Variants in MKLN1 observed in about 807,000 individuals in gnomAD.
MKLN1 encodes the protein muskelin.
MKLN1 carries 18 observed loss-of-function variants against 99.0 expected under a neutral mutation model. The ratio of observed to expected loss-of-function variants is 0.18; its 90% confidence interval spans 0.13 to 0.27. MKLN1 has a LOEUF of 0.27. Ranked by LOEUF, MKLN1 falls within the 10% of genes least tolerant of loss-of-function variation. The probability of loss-of-function intolerance (pLI) is 1.00; values close to 1 mark genes in which losing one functional copy is unlikely to be tolerated. For missense variants in MKLN1, 621 were observed against 875.9 expected (o/e 0.71, Z 3.67); for synonymous variants, 288 against 293.2 (o/e 0.98, Z 0.18).
intron 3 of MKLN1, among the ~76,000 whole-genome samples, chr7:131,281,709 T>C (rs1798055213): frequency 1.3e-5 from 2 of 152,026 alleles, no homozygotes; most frequent in South Asian, 4.1e-4. Flanking sequence ...TTGTTTACAG[T>C]CTTGCTCTGT....
intron 16 of MKLN1, among the ~76,000 whole-genome samples, chr7:131,477,155 T>G (rs1796989679): frequency 6.6e-6 from 1 of 152,172 alleles, no homozygotes; most frequent in Non-Finnish European, 1.5e-5. Flanking sequence ...AGGTAAAGAT[T>G]TCTTGGACAT....
Position 131,428,997 on chromosome 7 carries a change from C to CT in MKLN1, c.848-26dup, listed in dbSNP as rs149735434. ...TTTGGGTGCTTATGCTTATTTTGTC[C>CT]TTTTTTTTTTACACATATTTTTCTG... On this transcript the variant is annotated intron_variant, in intron 8 of 17. Transcript: ENST00000352689. 10,770 of 1,269,682 alleles carry CT rather than the reference C, an allele frequency of 8.5e-3. 3 individuals carry two copies. The highest frequency in any genetic ancestry group is 0.01 in the South Asian group (720 of 69,396). The allele number at this position is 1,269,682 out of a possible 1,614,324, so 78.7% of individuals were successfully genotyped here. A position where few individuals can be genotyped will look rare whatever the true frequency, so the allele number is the denominator to read the frequency against.
intron 3 of MKLN1, among the ~76,000 whole-genome samples, chr7:131,231,144 G>T (rs1361922228): frequency 3.1e-5 from 3 of 96,194 alleles, no homozygotes; most frequent in East Asian, 3.7e-4. Context: ...AAAAAAAAAG[G>T]TTTTAAATCT....
At chr7:131,242,575 G>A (rs899874309) in intron 3 of MKLN1, 2 of 455,658 alleles carry the variant, frequency 4.4e-6, no homozygotes, top group East Asian at 5.4e-5. Flanking sequence ...CTATAGGCCC[G>A]AGGGGTTGCT....
chr7:131,217,089 G>C (rs1488929533), intron 3 of MKLN1, among the ~76,000 whole-genome samples: 1 of 152,146 alleles, frequency 6.6e-6, no homozygotes, highest in Non-Finnish European at 1.5e-5. Flanking sequence ...TCTAGAAAGT[G>C]AATTTTGATT....
intron 3 of MKLN1, among the ~76,000 whole-genome samples, chr7:131,293,944 A>G (rs10262199): frequency 0.89 from 135,793 of 152,016 alleles, 60,720 homozygotes; most frequent in East Asian, 0.96. Flanking sequence ...TCTTTGTTGT[A>G]GGGGGCTGTC....
chr7:131,379,923 A>G (rs2116861684), intron 2 of MKLN1, among the ~76,000 whole-genome samples: 1 of 152,348 alleles, frequency 6.6e-6, no homozygotes, highest in South Asian at 2.1e-4. Context: ...CTTTGGGGCC[A>G]CTTTTCTACT....
chr7:131,200,949 C>T (rs1433637846), intron 2 of MKLN1, among the ~76,000 whole-genome samples: 2 of 152,126 alleles, frequency 1.3e-5, no homozygotes, highest in Non-Finnish European at 2.9e-5. Flanking sequence ...AACGAGAAGC[C>T]ACGTTGTATG....
intron 17 of MKLN1, 154 bp downstream of exon 17, chr7:131,478,831 G>T: frequency 1.1e-6 from 1 of 887,500 alleles, no homozygotes; most frequent in Non-Finnish European, 1.8e-6. Flanking sequence ...CTAATAACCT[G>T]CTACAAGGTT....
chr7:131,173,429 A>G (rs1796245354), intron 2 of MKLN1, among the ~76,000 whole-genome samples: 2 of 152,286 alleles, frequency 1.3e-5, no homozygotes, highest in Admixed American at 6.5e-5. Flanking sequence ...TTATAAAAAC[A>G]TAGTCTTGGC....
chr7:131,169,641 C>T (rs955717297), intron 2 of MKLN1, among the ~76,000 whole-genome samples: 4 of 151,984 alleles, frequency 2.6e-5, no homozygotes, highest in African/African-American at 9.7e-5. Context: ...GTTAGTTAGA[C>T]TTACGAATTG....
intron 9 of MKLN1, among the ~76,000 whole-genome samples, chr7:131,435,346 C>T (rs1232548200): frequency 1.3e-5 from 2 of 152,162 alleles, no homozygotes; most frequent in Non-Finnish European, 2.9e-5. Context: ...CCCATTTCTT[C>T]CTCCTTCTTC....
At chr7:131,228,786 A>T (rs934129279) in intron 3 of MKLN1, among the ~76,000 whole-genome samples, 1 of 152,226 alleles carries the variant, frequency 6.6e-6, no homozygotes, top group Admixed American at 6.5e-5. Context: ...CCCATCATTA[A>T]CACAACCTTC....
At chr7:131,350,061 G>A (rs1351620621) in intron 1 of MKLN1, among the ~76,000 whole-genome samples, 1 of 151,984 alleles carries the variant, frequency 6.6e-6, no homozygotes, top group Non-Finnish European at 1.5e-5. Context: ...TATTTGCTAG[G>A]CCATTGACAT....
intron 1 of MKLN1, among the ~76,000 whole-genome samples, chr7:131,119,518 T>G (rs1351748912): frequency 6.6e-6 from 1 of 152,226 alleles, no homozygotes; most frequent in Non-Finnish European, 1.5e-5. Flanking sequence ...GTGGGGACTT[T>G]GTGTGGGGGC....
At chr7:131,132,840 C>T (rs1002302618) in intron 1 of MKLN1, among the ~76,000 whole-genome samples, 4 of 141,566 alleles carry the variant, frequency 2.8e-5, no homozygotes, top group Non-Finnish European at 6.0e-5. Flanking sequence ...GCAGGAGAAT[C>T]GCTTAAACCT....
intron 17 of MKLN1, among the ~76,000 whole-genome samples, chr7:131,481,456 C>G (rs1797118747): frequency 6.6e-6 from 1 of 152,066 alleles, no homozygotes; most frequent in African/African-American, 2.4e-5. Context: ...AATCTCAACA[C>G]TTTTGGAGGC....
At chr7:131,441,241 G>T (rs1795830749) in intron 10 of MKLN1, among the ~76,000 whole-genome samples, 1 of 152,178 alleles carries the variant, frequency 6.6e-6, no homozygotes, top group East Asian at 1.9e-4. Flanking sequence ...GAGGTTTGTA[G>T]AAGGGAGGGT....
intron 16 of MKLN1, among the ~76,000 whole-genome samples, chr7:131,471,363 G>C (rs1381807183): frequency 6.6e-6 from 1 of 152,304 alleles, no homozygotes; most frequent in Admixed American, 6.5e-5. Context: ...ATGAAGAGAG[G>C]TTGGTGGGAG....
Sources: allele counts gnomAD v4.1 joint callset (sites outside exome capture counted in the v4.1 genomes callset), GRCh38; gene constraint gnomAD v4.1.1; transcripts MANE v1.5; gene names NCBI Gene and HGNC (gene_info 2026-07-23, HGNC 2026-07-21).